The following VPS35 variants were observed in gnomAD, a reference collection of about 807,000 sequenced individuals.
The protein encoded by VPS35 is vacuolar protein sorting-associated protein 35.
VPS35 carries 21 observed loss-of-function variants against 98.1 expected under a neutral mutation model. The ratio of observed to expected loss-of-function variants is 0.21; its 90% CI spans 0.15 to 0.31. The LOEUF is 0.31. Ranked by LOEUF, VPS35 falls within the 10% of genes least tolerant of loss-of-function variation. VPS35 has a pLI of 1.00. For missense variants in VPS35, 554 were observed against 950.8 expected, an observed-to-expected ratio of 0.58 and a Z score of 5.49; for synonymous variants, 268 against 318.2, an observed-to-expected ratio of 0.84 and a Z score of 1.68.
At chr16:46,678,915 T>C (rs1567268139) in intron 6 of VPS35, 28 bp downstream of exon 6, 1 of 1,607,722 alleles carries the variant, frequency 6.2e-7, no homozygotes, top group Non-Finnish European at 8.5e-7. Context: ...TCTCTGAACA[T>C]AAGAAGAGGT....
intron 1 of VPS35, among the ~76,000 whole-genome samples, chr16:46,685,652 A>C (rs892561990): frequency 3.3e-5 from 5 of 152,214 alleles, no homozygotes; most frequent in Admixed American, 3.3e-4. Flanking sequence ...CAGCATTTAA[A>C]GACTCTGACT....
chr16:46,661,167 T>G lies in VPS35; in HGVS notation c.2212-516A>C, dbSNP rs1965909983. On this transcript the variant is annotated intron_variant, in intron 16 of 16. Transcript: ENST00000299138. The surrounding 1 kb of genome is among the most constrained non-coding windows in gnomAD (Gnocchi z 4.3). ...CAAAAAAAGAAAAACAAGCAAAATT[T>G]TATTTAACTTACAAATCTTGACCAA... Among the ~76,000 whole-genome samples the G allele has an allele frequency of 1.3e-5, 2 of 152,068 alleles. No homozygotes were observed. Among genetic ancestry groups the G allele is most frequent in the Non-Finnish European group, 2.9e-5 (2 of 68,016 alleles).
At chr16:46,662,114 C>T (rs1965922483) in intron 15 of VPS35, 129 bp downstream of exon 15, 1 of 1,542,892 alleles carries the variant, frequency 6.5e-7, no homozygotes, top group African/African-American at 1.4e-5. Context: ...TCTTTTTTAA[C>T]AAAACAAAGC....
chr16:46,660,819 T>TC (rs1965901774), intron 16 of VPS35, 168 bp from the exon 17 acceptor site: 3 of 132,784 alleles, frequency 2.3e-5, no homozygotes, highest in Non-Finnish European at 1.3e-5. Flanking sequence ...TTACTGACTA[T>TC]CAAAAAAAAA....
Position 46,657,460 on chromosome 16 carries a change from G to A in VPS35, c.*3012C>T, listed in dbSNP as rs1965852308. On this transcript the variant is annotated 3_prime_UTR_variant, in exon 17 of 17. Coordinates refer to ENST00000299138, the MANE Select transcript of VPS35 (RefSeq NM_018206.6). ...TTTAAATCCCCTCAGTGCCTGTGGT[G>A]GTGCATTTATTCCTTGAGGTCTGTC... 1 of 152,152 alleles carries A rather than the reference G, an allele frequency of 6.6e-6. No homozygotes were observed. 9.4% of individuals were successfully genotyped at this position (152,152 alleles called of 1,614,324 possible).
At chr16:46,664,519 T>G (rs1965960458) in intron 13 of VPS35, among the ~76,000 whole-genome samples, 1 of 151,718 alleles carries the variant, frequency 6.6e-6, no homozygotes, top group East Asian at 1.9e-4. Context: ...ATTTTTCTTT[T>G]CTTTTCTTTT....
intron 13 of VPS35, among the ~76,000 whole-genome samples, chr16:46,665,018 T>G (rs1965967662): frequency 6.6e-6 from 1 of 152,174 alleles, no homozygotes; most frequent in Non-Finnish European, 1.5e-5. Context: ...TAGTATAAAT[T>G]CTTGGAATTC....
At chr16:46,685,231 T>TG in intron 1 of VPS35, among the ~76,000 whole-genome samples, 1 of 152,358 alleles carries the variant, frequency 6.6e-6, no homozygotes, top group Non-Finnish European at 1.5e-5. Context: ...CACAATGAGT[T>TG]GAAGAGGTGG....
intron 6 of VPS35, among the ~76,000 whole-genome samples, chr16:46,678,600 T>C (rs1596721899): frequency 1.3e-5 from 2 of 152,244 alleles, no homozygotes; most frequent in African/African-American, 4.8e-5. Flanking sequence ...CTTGGGTCTT[T>C]CAACTTGTTC....
rs1468115670 is a variant in VPS35, at chr16:46,657,266, G to C, written c.*3206C>G. 2.6e-5 allele frequency: 4 copies of C among 152,226 alleles called. No individual in the cohort carries two copies. Among genetic ancestry groups the C allele is most frequent in the Admixed American group, 2.0e-4 (3 of 15,288 alleles). The allele number at this position is 152,226 out of a possible 1,614,324, so 9.4% of individuals were successfully genotyped here. A position where few individuals can be genotyped will look rare whatever the true frequency, so the allele number is the denominator to read the frequency against. ...AGGACAAACCCCAGCAAACAGGAAG[G>C]TCTCCTGCACAGATTTCTCTACCTT... On this transcript the variant is annotated 3_prime_UTR_variant, in exon 17 of 17. Coordinates refer to ENST00000299138, the MANE Select transcript of VPS35 (RefSeq NM_018206.6).
At chr16:46,683,433 A>C in intron 2 of VPS35, 75 bp downstream of exon 2, 2 of 1,343,840 alleles carry the variant, frequency 1.5e-6, no homozygotes, top group Middle Eastern at 2.5e-4. Context: ...GAAACACCTG[A>C]CTCTAGAAGA....
intron 1 of VPS35, 67 bp downstream of exon 1, chr16:46,689,064 G>A (rs1481122407): frequency 6.3e-7 from 1 of 1,584,752 alleles, no homozygotes; most frequent in Non-Finnish European, 8.6e-7. Context: ...TGGAGTGCGG[G>A]GCGGTGGGAG....
At chr16:46,688,825 A>G in intron 1 of VPS35, 1 of 1,380,004 alleles carries the variant, frequency 7.2e-7, no homozygotes, top group Non-Finnish European at 9.4e-7. Context: ...CAGGTGACCG[A>G]TTCCACTTAA....
chr16:46,668,893 G>A (rs1966027404), intron 13 of VPS35, 37 bp downstream of exon 13: 1 of 1,612,344 alleles, frequency 6.2e-7, no homozygotes, highest in African/African-American at 1.3e-5. Flanking sequence ...TGATGAAAGA[G>A]GAAAAAAAGT....
intron 7 of VPS35, 48 bp downstream of exon 7, chr16:46,677,267 G>C: frequency 6.5e-7 from 1 of 1,530,620 alleles, no homozygotes; most frequent in South Asian, 1.1e-5. Context: ...TAAATTTAAT[G>C]AAAGATAAAA....
chr16:46,662,609 C>T lies in VPS35; in HGVS notation c.1828-127G>A, dbSNP rs367801080. The T allele has an allele frequency of 2.4e-5, 34 of 1,444,486 alleles. No homozygotes were observed. The Middle Eastern group carries it at 7.2e-4, about 31-fold the overall frequency. 89.5% of individuals were successfully genotyped at this position (1,444,486 alleles called of 1,614,324 possible). On this transcript the variant is annotated intron_variant, in intron 14 of 16. Coordinates refer to ENST00000299138, the MANE Select transcript of VPS35 (RefSeq NM_018206.6). ...GCAGCCTTCATATCAGAACATGCTG[C>T]ACCCTCTCTTGAGAGCCACAGGACA...
At position 46,679,053 on chromosome 16, in the gene VPS35, G is replaced by T. The variant is rs369424393; in HGVS notation, c.610C>A (p.Arg204=). 29 of 1,613,806 alleles carry T rather than the reference G, an allele frequency of 1.8e-5. No homozygotes were observed. In the African/African-American group the frequency reaches 3.6e-4, roughly 20 times the overall value. The part of the protein sequence containing the change: ...WVRMQHQGHS[R]DREKRERERQ... ...TCTCGTTCTCTTTTTTCTCTATCTC[G>T]GCTATGTCCCTGATGCTGCATTCGC... is the stretch of plus-strand genomic sequence containing the variant. The change falls in exon 6 of 17, where the codon CGA becomes AGA. Residue 204 remains arginine (R), a synonymous_variant. Transcript: ENST00000299138.
intron 1 of VPS35, among the ~76,000 whole-genome samples, chr16:46,686,694 T>C (rs1300439244): frequency 1.3e-5 from 2 of 152,246 alleles, no homozygotes; most frequent in East Asian, 1.9e-4. Context: ...AGTTATAATA[T>C]GAGCACGCTA....
chr16:46,681,211 G>A (rs530497859), intron 4 of VPS35, among the ~76,000 whole-genome samples, 166 bp downstream of exon 4: 13 of 150,622 alleles, frequency 8.6e-5, no homozygotes, highest in Admixed American at 2.7e-4. Flanking sequence ...TACATAAAAC[G>A]TAAATCTAGT....
Sources: gnomAD v4.1 joint callset for allele counts (sites outside exome capture counted in the v4.1 genomes callset) on GRCh38, gnomAD v4.1.1 for gene constraint, Gnocchi (gnomAD v3.1) non-coding constraint, MANE v1.5 for transcripts, NCBI Gene and HGNC (gene_info 2026-07-23, HGNC 2026-07-21) for gene names.